CATSPERT: variants seen among roughly 807,000 people sequenced by gnomAD.
The protein encoded by CATSPERT is catsper channel auxiliary subunit tau, also known as cation channel sperm-associated targeting subunit tau.
the CATSPERT span, chr2:201,545,629 C>CAAAAGAA: frequency 1.4e-5 from 2 of 143,216 alleles, no homozygotes; most frequent in Non-Finnish European, 2.3e-5. Context: ...TTCCTAGAAG[C>CAAAAGAA]AAAAAAAAAA....
the CATSPERT span, among the ~76,000 whole-genome samples, chr2:201,616,759 A>T: frequency 0.43 from 64,635 of 151,992 alleles, 14,200 homozygotes; most frequent in East Asian, 0.64. Context: ...GAAAAGAGGA[A>T]GTCAAATTGT....
At chr2:201,507,887 G>A in the CATSPERT span, among the ~76,000 whole-genome samples, 1 of 152,132 alleles carries the variant, frequency 6.6e-6, no homozygotes, top group Non-Finnish European at 1.5e-5. Context: ...AAAGGGGGAA[G>A]TGTCACACAC....
chr2:201,600,366 C>A, the CATSPERT span, among the ~76,000 whole-genome samples: 247 of 152,218 alleles, frequency 1.6e-3, 1 homozygote, highest in African/African-American at 5.5e-3. Context: ...TATTCTCACT[C>A]ATAGGTGGGA....
the CATSPERT span, among the ~76,000 whole-genome samples, chr2:201,576,317 T>C: frequency 6.6e-6 from 1 of 152,218 alleles, no homozygotes; most frequent in African/African-American, 2.4e-5. Context: ...TCCACTGTTT[T>C]CAGCAGAGGA....
At chr2:201,506,254 G>A in the CATSPERT span, among the ~76,000 whole-genome samples, 1 of 149,722 alleles carries the variant, frequency 6.7e-6, no homozygotes, top group African/African-American at 2.5e-5. Context: ...GCGACAGAGC[G>A]AGACTCCGTC....
chr2:201,537,331 A>G, the CATSPERT span: 1 of 925,536 alleles, frequency 1.1e-6, no homozygotes, highest in Non-Finnish European at 1.6e-6. Context: ...CAACTGAGTA[A>G]CTTCTTGGAT....
chr2:201,509,123 C>G, the CATSPERT span, among the ~76,000 whole-genome samples: 1 of 150,792 alleles, frequency 6.6e-6, no homozygotes, highest in East Asian at 1.9e-4. Context: ...CAACAGTGCA[C>G]AAGGGTTCCA....
the CATSPERT span, among the ~76,000 whole-genome samples, chr2:201,567,046 A>G: frequency 6.6e-6 from 1 of 152,222 alleles, no homozygotes; most frequent in Non-Finnish European, 1.5e-5. Context: ...CTTTGACAAT[A>G]AAGTTTAGAT....
At chr2:201,584,064 G>T in the CATSPERT span, among the ~76,000 whole-genome samples, 1 of 152,114 alleles carries the variant, frequency 6.6e-6, no homozygotes, top group Non-Finnish European at 1.5e-5. Context: ...CAAGGTGGGT[G>T]AATTGCTTCA....
the CATSPERT span, among the ~76,000 whole-genome samples, chr2:201,539,662 G>A: frequency 6.6e-6 from 1 of 151,198 alleles, no homozygotes; most frequent in African/African-American, 2.4e-5. Flanking sequence ...TAAATGTTGT[G>A]TGTGTTGTAA....
At chr2:201,559,802 A>G in the CATSPERT span, among the ~76,000 whole-genome samples, 1 of 152,222 alleles carries the variant, frequency 6.6e-6, no homozygotes, top group African/African-American at 2.4e-5. Flanking sequence ...TGGGAAATCT[A>G]CTACATACGA....
At chr2:201,536,996 T>C in the CATSPERT span, among the ~76,000 whole-genome samples, 3 of 151,974 alleles carry the variant, frequency 2.0e-5, no homozygotes, top group African/African-American at 4.8e-5. Flanking sequence ...GAATACCTTA[T>C]GTAAATTTAG....
the CATSPERT span, among the ~76,000 whole-genome samples, chr2:201,593,748 CT>C: frequency 2.7e-5 from 4 of 148,764 alleles, no homozygotes; most frequent in Admixed American, 6.7e-5. Context: ...TTCTTTGTCT[CT>C]TTTGATCTTT....
At chr2:201,573,734 A>G in the CATSPERT span, among the ~76,000 whole-genome samples, 1 of 151,982 alleles carries the variant, frequency 6.6e-6, no homozygotes, top group South Asian at 2.1e-4. Context: ...TTGGCTCACT[A>G]CAACTCCCGC....
the CATSPERT span, among the ~76,000 whole-genome samples, chr2:201,601,115 T>G: frequency 6.6e-6 from 1 of 152,124 alleles, no homozygotes; most frequent in Non-Finnish European, 1.5e-5. Flanking sequence ...AGAAACATAG[T>G]AAGTGCCGGT....
At chr2:201,592,208 C>T in the CATSPERT span, among the ~76,000 whole-genome samples, 2 of 152,038 alleles carry the variant, frequency 1.3e-5, no homozygotes, top group East Asian at 1.9e-4. Flanking sequence ...TGAATTTTGT[C>T]AAAGGCCTTT....
chr2:201,581,872 T>G, the CATSPERT span, among the ~76,000 whole-genome samples: 1 of 151,872 alleles, frequency 6.6e-6, no homozygotes, highest in African/African-American at 2.4e-5. Flanking sequence ...CCTCCCAAAG[T>G]GCTGGGATTA....
chr2:201,614,107 A>G, the CATSPERT span, among the ~76,000 whole-genome samples: 1 of 152,240 alleles, frequency 6.6e-6, no homozygotes, highest in East Asian at 1.9e-4. Context: ...AGTGACAGAG[A>G]GAATGGAATC....
At chr2:201,561,162 G>A in the CATSPERT span, among the ~76,000 whole-genome samples, 1 of 152,192 alleles carries the variant, frequency 6.6e-6, no homozygotes, top group Admixed American at 6.5e-5. Flanking sequence ...AAACAACTAA[G>A]TTTGTGATAA....
Sources: allele counts gnomAD v4.1 joint callset (sites outside exome capture counted in the v4.1 genomes callset), GRCh38; gene constraint gnomAD v4.1.1; transcripts MANE v1.5; gene names NCBI Gene and HGNC (gene_info 2026-07-23, HGNC 2026-07-21).